The following CLASRP variants were observed in gnomAD, a reference collection of about 807,000 sequenced individuals.
The protein encoded by CLASRP is CLK4 associating serine/arginine rich protein, also known as CLK4-associating serine/arginine rich protein.
Under a neutral mutation model 99.9 loss-of-function variants are expected in CLASRP, and 52 were observed. The ratio of observed to expected loss-of-function variants is 0.52; its 90% CI spans 0.42 to 0.66. CLASRP has a LOEUF of 0.66. Ranked by LOEUF, CLASRP falls within the 30% of genes least tolerant of loss-of-function variation. The pLI, the probability that CLASRP is intolerant of heterozygous loss-of-function variation, is 0.00. For missense variants in CLASRP, 848 were observed against 999.2 expected, an observed-to-expected ratio of 0.85 and a Z score of 2.04; for synonymous variants, 379 against 373.0, an observed-to-expected ratio of 1.02 and a Z score of -0.18.
chr19:45,060,778 G>A lies in CLASRP; in HGVS notation c.863+151G>A. 3.0e-6 allele frequency: 2 copies of A among 674,480 alleles called. No individual in the cohort carries two copies. The highest frequency in any genetic ancestry group is 5.0e-6 in the Non-Finnish European group (2 of 396,678). The allele number at this position is 674,480 out of a possible 1,614,324, so 41.8% of individuals were successfully genotyped here. A position where few individuals can be genotyped will look rare whatever the true frequency, so the allele number is the denominator to read the frequency against. On this transcript the variant is annotated intron_variant, in intron 10 of 20. Coordinates refer to ENST00000221455, the MANE Select transcript of CLASRP (RefSeq NM_007056.3). This position sits in a 1 kb window ranked among gnomAD's most constrained non-coding sequence, Gnocchi z 4.6. The stretch of plus-strand genomic sequence containing the variant: ...TGCATGGCCATCGTGAAGGTTTAGA[G>A]GTAGGAACGGCCTTGAGGGCCATGT...
intron 2 of CLASRP, among the ~76,000 whole-genome samples, chr19:45,044,273 A>G (rs895255421): frequency 3.3e-5 from 5 of 152,232 alleles, no homozygotes; most frequent in African/African-American, 1.2e-4. Flanking sequence ...CGAGGTAGGT[A>G]TTGATCATGC....
intron 15 of CLASRP, 109 bp from the exon 16 acceptor site, chr19:45,068,311 T>TA: frequency 2.4e-5 from 13 of 543,598 alleles, no homozygotes; most frequent in East Asian, 3.2e-5. Flanking sequence ...CACGTCGTTC[T>TA]CCCCCCCCCA....
chr19:45,054,789 G>A (rs1281289112), intron 5 of CLASRP, among the ~76,000 whole-genome samples: 1 of 152,138 alleles, frequency 6.6e-6, no homozygotes, highest in Admixed American at 6.6e-5. Flanking sequence ...GAAGGGTGGT[G>A]GTGTTGATTT....
At chr19:45,068,079 C>G in intron 15 of CLASRP, 25 bp downstream of exon 15, 6 of 1,611,640 alleles carry the variant, frequency 3.7e-6, no homozygotes, top group Non-Finnish European at 5.1e-6. Flanking sequence ...GGAACTCGCC[C>G]GTCTAATTCC....
chr19:45,045,963 A>G (rs769008799), intron 2 of CLASRP, among the ~76,000 whole-genome samples: 6 of 152,122 alleles, frequency 3.9e-5, no homozygotes, highest in Non-Finnish European at 5.9e-5. Context: ...ATTCCCCCTC[A>G]GGACAGTGGT....
intron 11 of CLASRP, among the ~76,000 whole-genome samples, chr19:45,062,965 C>T (rs7258889): frequency 0.016 from 2,405 of 152,174 alleles, 74 homozygotes; most frequent in African/African-American, 0.055. Context: ...CTCCATAGCT[C>T]TCTGAAGCCC....
At chr19:45,070,730 G>T in intron 20 of CLASRP, 73 bp from the exon 21 acceptor site, 1 of 1,389,354 alleles carries the variant, frequency 7.2e-7, no homozygotes, top group Non-Finnish European at 1.0e-6. Context: ...CCCGATCACT[G>T]AAGCATCCAC....
At chr19:45,062,265 G>A (rs1966957508) in intron 11 of CLASRP, 70 bp downstream of exon 11, 2 of 902,536 alleles carry the variant, frequency 2.2e-6, no homozygotes, top group South Asian at 1.3e-5. Context: ...GTGCTGAGGA[G>A]GGGATGGGAG....
intron 18 of CLASRP, chr19:45,069,789 A>G (rs1339114317): frequency 5.5e-6 from 3 of 546,744 alleles, no homozygotes; most frequent in Non-Finnish European, 9.8e-6. Context: ...TGATGGGACT[A>G]TCCTGCCTCC....
Position 45,039,079 on chromosome 19 carries a change from A to G in CLASRP, c.-59A>G, listed in dbSNP as rs1319968682. The G allele has an allele frequency of 1.3e-5, 2 of 151,970 alleles. No individual in the cohort carries two copies. The highest frequency in any genetic ancestry group is 2.1e-4 in the South Asian group (1 of 4,812). The allele number at this position is 151,970 out of a possible 1,614,324, so 9.4% of individuals were successfully genotyped here. ...CCGCTTCCGGTGCGGGCCGCGCGCG[A>G]GCGCAGCGGTGGGAGGCGGCGACCA... On this transcript the variant is annotated 5_prime_UTR_variant, in exon 1 of 21. Transcript: ENST00000221455.
intron 13 of CLASRP, among the ~76,000 whole-genome samples, chr19:45,065,388 CAAAAAAAAAA>C (rs761472417): frequency 5.9e-5 from 5 of 84,962 alleles, no homozygotes; most frequent in Non-Finnish European, 1.2e-4. Flanking sequence ...GATTCCGTCT[CAAAAAAAAAA>C]AAAAAAAAAA....
In CLASRP at chr19:45,053,242, G is replaced by A; in HGVS notation, c.379+65G>A. ...GCCTGGAGCCTGGAAGACCTAGATA[G>A]GTTTGGGAAGAAAAGTTTTATCCAC... On this transcript the variant is annotated intron_variant, in intron 5 of 20. Transcript: ENST00000221455. 1.9e-6 allele frequency: 3 copies of A among 1,539,204 alleles called. No individual in the cohort carries two copies. The South Asian group carries it at 3.4e-5, about 17-fold the overall frequency.
intron 13 of CLASRP, among the ~76,000 whole-genome samples, chr19:45,066,869 C>T (rs948626041): frequency 3.9e-5 from 6 of 152,036 alleles, no homozygotes; most frequent in East Asian, 1.9e-4. Context: ...ACTTGTGGGT[C>T]TGTGCTGAGA....
At chr19:45,058,265 C>CATCT in intron 7 of CLASRP, 1 of 238,306 alleles carries the variant, frequency 4.2e-6, no homozygotes, top group Non-Finnish European at 8.5e-6. Context: ...ATCCGCCAGG[C>CATCT]ATCTGTTCAC....
At chr19:45,040,657 A>G (rs1224148616) in intron 2 of CLASRP, 1 of 223,768 alleles carries the variant, frequency 4.5e-6, no homozygotes, top group East Asian at 9.9e-5. Context: ...GAGCTCAGCC[A>G]CTCTTGAGAT....
In CLASRP at chr19:45,060,294, C is replaced by T. The variant is rs1286346166; in HGVS notation, c.711-95C>T. ...GATACCTCAGGCTGGCGTGGGGTGACTCAGGTCCCTCACTTTCTCTGATGA... is the reference window on the plus strand; with the variant it reads ...GATACCTCAGGCTGGCGTGGGGTGATTCAGGTCCCTCACTTTCTCTGATGA... On this transcript the variant is annotated intron_variant, in intron 8 of 20. Transcript: ENST00000221455. This position sits in a 1 kb window ranked among gnomAD's most constrained non-coding sequence, Gnocchi z 4.6. 5.3e-6 allele frequency: 6 copies of T among 1,132,554 alleles called. No homozygotes were observed. Among genetic ancestry groups the T allele is most frequent in the Admixed American group, 1.8e-5 (1 of 56,628 alleles). The allele number at this position is 1,132,554 out of a possible 1,614,324, so 70.2% of individuals were successfully genotyped here.
rs149514096 is a variant in CLASRP at position 45,069,240 on chromosome 19, C to T, written c.1866C>T (p.Ile622=). 2.6e-4 allele frequency: 414 copies of T among 1,613,566 alleles called. 3 individuals carry two copies. The Middle Eastern group carries it at 2.9e-3, about 11-fold the overall frequency. The change falls in exon 18 of 21, where the codon ATC becomes ATT. Residue 622 remains isoleucine, a synonymous_variant. Transcript: ENST00000221455. ...EDELRAMARK[I]RMKERERREK... ...AGCTTCGAGCCATGGCCCGCAAGAT[C>T]CGCATGAAGTAAGACCTTGCCCCTC...
chr19:45,068,508 T>C, intron 16 of CLASRP, 28 bp downstream of exon 16: 1 of 1,532,228 alleles, frequency 6.5e-7, no homozygotes. Context: ...CCTCCAGGGT[T>C]TCACAGCTCT....
chr19:45,049,573 C>T (rs1971983846), intron 2 of CLASRP, among the ~76,000 whole-genome samples: 1 of 152,218 alleles, frequency 6.6e-6, no homozygotes, highest in Non-Finnish European at 1.5e-5. Context: ...GACTCAGCTC[C>T]TTCAGCCCGG....
Sources: gnomAD v4.1 joint callset for allele counts (sites outside exome capture counted in the v4.1 genomes callset) on GRCh38, gnomAD v4.1.1 for gene constraint, Gnocchi (gnomAD v3.1) non-coding constraint, MANE v1.5 for transcripts, NCBI Gene and HGNC (gene_info 2026-07-23, HGNC 2026-07-21) for gene names.